The following NT5C2 variants were observed in gnomAD, a reference collection of about 807,000 sequenced individuals.
NT5C2 encodes the protein 5'-nucleotidase, cytosolic II, also known as cytosolic purine 5'-nucleotidase.
NT5C2 carries 58 observed loss-of-function variants against 76.1 expected under a neutral mutation model. The observed-to-expected ratio is 0.76, with a 90% CI of 0.62 to 0.95. The LOEUF is 0.95. Among genes scored for constraint, NT5C2 ranks in the 40% least tolerant of loss-of-function variants. The probability of loss-of-function intolerance (pLI) is 0.00; values close to 1 mark genes in which losing one functional copy is unlikely to be tolerated. For missense variants in NT5C2, 478 were observed against 690.3 expected (o/e 0.69, Z 3.45); for synonymous variants, 229 against 237.4 (o/e 0.96, Z 0.32).
At chr10:103,178,903 T>C (rs1011870911) in intron 2 of NT5C2, among the ~76,000 whole-genome samples, 7 of 151,064 alleles carry the variant, frequency 4.6e-5, no homozygotes, top group African/African-American at 1.7e-4. Flanking sequence ...CATTCCTCTG[T>C]TTCCTCTACG....
chr10:103,111,698 C>T, intron 4 of NT5C2: 1 of 1,169,390 alleles, frequency 8.6e-7, no homozygotes, highest in Non-Finnish European at 1.1e-6. Context: ...CAAACCTCTA[C>T]AGAGGTTCCA....
intron 10 of NT5C2, chr10:103,097,929 T>A (rs1157948816): frequency 2.1e-6 from 1 of 467,972 alleles, no homozygotes; most frequent in Non-Finnish European, 4.2e-6. Context: ...CCTTCTCGCA[T>A]AGCAAATAGA....
chr10:103,108,053 G>C (rs2071838448), intron 4 of NT5C2, among the ~76,000 whole-genome samples: 1 of 152,096 alleles, frequency 6.6e-6, no homozygotes, highest in South Asian at 2.1e-4. Flanking sequence ...TACTCGGGAG[G>C]GTGAGGCAGG....
At chr10:103,099,378 A>G (rs967741007) in intron 9 of NT5C2, among the ~76,000 whole-genome samples, 1 of 152,204 alleles carries the variant, frequency 6.6e-6, no homozygotes, top group Non-Finnish European at 1.5e-5. Context: ...CCCAGCCCCA[A>G]ATGCATTTCT....
intron 18 of NT5C2, chr10:103,090,110 A>G: frequency 2.2e-6 from 1 of 461,120 alleles, no homozygotes; most frequent in Non-Finnish European, 3.8e-6. Context: ...TGGTGCCCAT[A>G]TTGTCTACTG....
At chr10:103,163,523 G>A (rs1036432085) in intron 3 of NT5C2, among the ~76,000 whole-genome samples, 1 of 152,178 alleles carries the variant, frequency 6.6e-6, no homozygotes, top group East Asian at 1.9e-4. Context: ...AATGGGTAAA[G>A]AAGTTAAATA....
intron 3 of NT5C2, among the ~76,000 whole-genome samples, chr10:103,162,020 TTG>T (rs1439468034): frequency 6.6e-6 from 1 of 152,042 alleles, no homozygotes; most frequent in African/African-American, 2.4e-5. Context: ...TATAATTCAA[TTG>T]TTTGTTTGTT....
intron 3 of NT5C2, among the ~76,000 whole-genome samples, chr10:103,160,750 C>A (rs1209855640): frequency 1.3e-5 from 2 of 152,154 alleles, no homozygotes; most frequent in Admixed American, 1.3e-4. Flanking sequence ...CACGGTGGCT[C>A]ACGCCTGTAA....
intron 4 of NT5C2, among the ~76,000 whole-genome samples, chr10:103,113,163 C>T (rs1427454763): frequency 6.6e-6 from 1 of 152,002 alleles, no homozygotes. Context: ...CAAAGTAAAA[C>T]ACATTCCCAA....
chr10:103,091,739 G>T, intron 15 of NT5C2, 124 bp from the exon 16 acceptor site: 1 of 745,830 alleles, frequency 1.3e-6, no homozygotes, highest in Non-Finnish European at 2.4e-6. Flanking sequence ...AACATGCTGA[G>T]TGTACAGTTA....
At chr10:103,115,903 C>T (rs975730865) in intron 4 of NT5C2, among the ~76,000 whole-genome samples, 1 of 152,038 alleles carries the variant, frequency 6.6e-6, no homozygotes, top group Non-Finnish European at 1.5e-5. Context: ...CTTTCATCTA[C>T]AAGTAAGATA....
chr10:103,160,889 A>G (rs1286198551), intron 3 of NT5C2, among the ~76,000 whole-genome samples: 1 of 151,922 alleles, frequency 6.6e-6, no homozygotes, highest in Non-Finnish European at 1.5e-5. Context: ...GCATGCCTGT[A>G]GTCCCAGCTA....
At chr10:103,154,143 C>A (rs2082891571) in intron 3 of NT5C2, among the ~76,000 whole-genome samples, 1 of 152,056 alleles carries the variant, frequency 6.6e-6, no homozygotes, top group Non-Finnish European at 1.5e-5. Context: ...GATTATGCAA[C>A]AGGGGAAGAA....
intron 3 of NT5C2, among the ~76,000 whole-genome samples, chr10:103,157,795 C>T (rs924485169): frequency 6.6e-6 from 1 of 152,128 alleles, no homozygotes; most frequent in African/African-American, 2.4e-5. Context: ...AAATTTGGGG[C>T]CAGGTGCGGT....
In NT5C2 at chr10:103,089,567, G is replaced by T; in HGVS notation, c.*105C>A. 4.9e-6 allele frequency: 7 copies of T among 1,422,450 alleles called. No homozygotes were observed. The highest frequency in any genetic ancestry group is 6.4e-6 in the Non-Finnish European group (7 of 1,086,068). 88.1% of individuals were successfully genotyped at this position (1,422,450 alleles called of 1,614,324 possible). ...AAACTTTTCAGACGTACCTTTCATG[G>T]AGCCCCCTCCCTCCCCCGAGTAGAA... On this transcript the variant is annotated 3_prime_UTR_variant, in exon 19 of 19. Transcript: ENST00000404739.
intron 3 of NT5C2, among the ~76,000 whole-genome samples, chr10:103,144,567 T>G (rs1036904234): frequency 1.1e-4 from 17 of 152,222 alleles, no homozygotes; most frequent in African/African-American, 4.1e-4. Flanking sequence ...AAGATTATAA[T>G]GTACCTTTAT....
chr10:103,094,104 A>G, intron 13 of NT5C2, 66 bp from the exon 14 acceptor site: 1 of 1,252,892 alleles, frequency 8.0e-7, no homozygotes, highest in Non-Finnish European at 1.2e-6. Context: ...TCACCCCACA[A>G]CCCTCCCATC....
intron 11 of NT5C2, among the ~76,000 whole-genome samples, chr10:103,096,710 G>C (rs1564936028): frequency 6.6e-6 from 1 of 151,840 alleles, no homozygotes; most frequent in Non-Finnish European, 1.5e-5. Context: ...GCCAGGCGCA[G>C]TGGCAGGTGC....
intron 2 of NT5C2, chr10:103,175,698 C>T (rs2089720627): frequency 4.2e-6 from 1 of 240,546 alleles, no homozygotes; most frequent in Non-Finnish European, 8.5e-6. Context: ...GGAGTGTTGC[C>T]TCTGTGAACA....
Sources: allele counts gnomAD v4.1 joint callset (sites outside exome capture counted in the v4.1 genomes callset), GRCh38; gene constraint gnomAD v4.1.1; transcripts MANE v1.5; gene names NCBI Gene and HGNC (gene_info 2026-07-23, HGNC 2026-07-21).